Variants in MEP1A observed in about 807,000 individuals in gnomAD.
MEP1A encodes N-benzoyl-L-tyrosyl-P-amino-benzoic acid hydrolase subunit alpha.
In MEP1A, 68 loss-of-function variants were observed where a neutral mutation model predicts 84.5. The observed-to-expected ratio is 0.80, with a 90% CI of 0.66 to 0.98. The LOEUF is 0.98. Among genes scored for constraint, MEP1A ranks in the 50% least tolerant of loss-of-function variants. The probability of loss-of-function intolerance (pLI) is 0.00; values close to 1 mark genes in which losing one functional copy is unlikely to be tolerated. For missense variants in MEP1A, 887 were observed against 919.9 expected (o/e 0.96, Z 0.46); for synonymous variants, 337 against 336.8 (o/e 1.00, Z -0.01).
intron 6 of MEP1A, among the ~76,000 whole-genome samples, chr6:46,812,441 T>A (rs757184134): frequency 1.3e-5 from 2 of 152,076 alleles, no homozygotes; most frequent in Non-Finnish European, 2.9e-5. Flanking sequence ...TTCATTTGTC[T>A]TTTGTATTTT....
chr6:46,808,943 T>A (rs1423589342), intron 5 of MEP1A, among the ~76,000 whole-genome samples: 1 of 151,974 alleles, frequency 6.6e-6, no homozygotes, highest in South Asian at 2.1e-4. Context: ...AGAGAATGTC[T>A]TTTTAGATTG....
At chr6:46,842,605 A>T (rs146349891), downstream of MEP1A, among the ~76,000 whole-genome samples, 1,538 of 152,282 alleles carry the variant, frequency 0.01, 30 homozygotes, top group African/African-American at 0.035. Context: ...TAAGATGTTT[A>T]TCAAGATAAT....
chr6:46,841,961 A>C (rs1768338661), downstream of MEP1A, among the ~76,000 whole-genome samples: 1 of 152,244 alleles, frequency 6.6e-6, no homozygotes, highest in African/African-American at 2.4e-5. Flanking sequence ...TGAATATTTC[A>C]TGGACATTTA....
downstream of MEP1A, among the ~76,000 whole-genome samples, chr6:46,841,932 A>C (rs562524646): frequency 1.3e-5 from 2 of 152,362 alleles, no homozygotes; most frequent in South Asian, 4.1e-4. Context: ...CTGGAGCCGC[A>C]GCAGAAGAAC....
chr6:46,804,337 T>G (rs1462522046), intron 5 of MEP1A, among the ~76,000 whole-genome samples: 1 of 151,810 alleles, frequency 6.6e-6, no homozygotes, highest in African/African-American at 2.4e-5. Context: ...ATTTTTAAGT[T>G]GTAATACATT....
In MEP1A at chr6:46,795,297, CTCTTT is replaced by C. The variant is rs1186044039; in HGVS notation, c.145+1595_145+1599del. Among the ~76,000 whole-genome samples, 7 of 152,018 alleles carry C rather than the reference CTCTTT, an allele frequency of 4.6e-5. No individual in the cohort carries two copies. The South Asian group carries it at 1.0e-3, about 22-fold the overall frequency. On this transcript the variant is annotated intron_variant, in intron 3 of 13. Transcript: ENST00000230588. ...TCTACTCGATCTACTTTTCTTTTTT[CTCTTT>C]TCTTTTCTTTTCTCCTGAGATGGAG...
intron 3 of MEP1A, among the ~76,000 whole-genome samples, chr6:46,797,788 CTTTCTCTTTCTTTCTTTCTT>C (rs1767079658): frequency 2.2e-5 from 3 of 135,486 alleles, no homozygotes; most frequent in Admixed American, 7.2e-5. Context: ...TTCTTTCTTT[CTTTCTCTTTCTTTCTTTCTT>C]TCTTTCTTTC....
At chr6:46,803,190 A>G (rs1468333623) in intron 5 of MEP1A, among the ~76,000 whole-genome samples, 2 of 151,548 alleles carry the variant, frequency 1.3e-5, no homozygotes, top group African/African-American at 4.8e-5. Flanking sequence ...AAGTAATGGA[A>G]TTTTCTTTGT....
intron 5 of MEP1A, among the ~76,000 whole-genome samples, chr6:46,807,574 AAGGAAGG>A (rs1562106696): frequency 3.2e-4 from 20 of 61,918 alleles, no homozygotes; most frequent in African/African-American, 1.7e-3. Flanking sequence ...GAAAGGAAGG[AAGGAAGG>A]AAGGAAGGAA....
Position 46,793,699 on chromosome 6 carries a change from T to A in MEP1A, c.128T>A (p.Ile43Asn). 1 of 1,609,598 alleles carries A rather than the reference T, an allele frequency of 6.2e-7. No individual in the cohort carries two copies. The highest frequency in any genetic ancestry group is 8.5e-7 in the Non-Finnish European group (1 of 1,176,518). The change falls in exon 3 of 14, where the codon ATT (isoleucine) becomes AAT (asparagine). Residue 43 changes from isoleucine to asparagine, a missense_variant. Transcript: ENST00000230588. The stretch of plus-strand genomic sequence containing the variant: ...GCAGATTTTGGTGAACAGAAGGATA[T>A]TTCAGAAATCAATTTAGGTGAGTTC... ...HDADFGEQKD[I>N]SEINLAAGLD... is the part of the protein sequence containing the mutation.
intron 5 of MEP1A, among the ~76,000 whole-genome samples, chr6:46,799,461 A>G (rs1364152448): frequency 2.6e-5 from 4 of 152,370 alleles, no homozygotes; most frequent in East Asian, 3.8e-4. Context: ...ACCTAATGAA[A>G]TATAATTTGC....
intron 5 of MEP1A, 87 bp from the exon 6 acceptor site, chr6:46,809,333 G>C: frequency 1.3e-6 from 1 of 794,814 alleles, no homozygotes; most frequent in Non-Finnish European, 2.0e-6. Flanking sequence ...GATTTAATGT[G>C]GCAGCATGGT....
rs142188549 is a variant in MEP1A at position 46,809,479 on chromosome 6, G to A, written c.322G>A (p.Val108Met). The A allele has an allele frequency of 6.2e-7, 1 of 1,610,394 alleles. No homozygotes were observed. Among genetic ancestry groups the A allele is most frequent in the Non-Finnish European group, 8.5e-7 (1 of 1,177,838 alleles). The change falls in exon 6 of 14, where the codon GTG becomes ATG. Residue 108 changes from valine to methionine, a missense_variant. Coordinates refer to ENST00000230588, the MANE Select transcript of MEP1A (RefSeq NM_005588.3). ...TGAGATGTTCCGTCTCAAGTCCTGTGTGGATTTCAAGCCCTATGAAGGAGA... is the reference window on the plus strand; with the variant it reads ...TGAGATGTTCCGTCTCAAGTCCTGTATGGATTTCAAGCCCTATGAAGGAGA... Reference protein sequence around the residue: ...AFEMFRLKSCVDFKPYEGESS... With the variant: ...AFEMFRLKSCMDFKPYEGESS...
chr6:46,801,762 C>A (rs978559914), intron 5 of MEP1A, among the ~76,000 whole-genome samples: 1 of 151,974 alleles, frequency 6.6e-6, no homozygotes, highest in Non-Finnish European at 1.5e-5. Flanking sequence ...TAATTGATTG[C>A]AAACTAATTT....
chr6:46,793,753 T>G (rs1562101097), intron 3 of MEP1A, 37 bp downstream of exon 3: 11 of 1,465,638 alleles, frequency 7.5e-6, no homozygotes, highest in Non-Finnish European at 8.6e-6. Flanking sequence ...GTCTTGAAAT[T>G]ACTTGAAACC....
intron 7 of MEP1A, among the ~76,000 whole-genome samples, chr6:46,822,175 T>C (rs1767794582): frequency 6.6e-6 from 1 of 152,202 alleles, no homozygotes; most frequent in South Asian, 2.1e-4. Flanking sequence ...AATAAAGCTT[T>C]ATGGAAACAC....
chr6:46,836,440 T>C (rs1374232743), intron 13 of MEP1A, among the ~76,000 whole-genome samples: 2 of 152,220 alleles, frequency 1.3e-5, no homozygotes, highest in African/African-American at 4.8e-5. Flanking sequence ...TTTGTAGCTT[T>C]TATTTTGAAA....
chr6:46,842,384 T>C (rs1768349113), downstream of MEP1A, among the ~76,000 whole-genome samples: 1 of 152,154 alleles, frequency 6.6e-6, no homozygotes, highest in Non-Finnish European at 1.5e-5. Context: ...TGAATTCTTT[T>C]CCCAGCAAGG....
At chr6:46,832,970 T>G (rs1768108884) in intron 10 of MEP1A, 104 bp from the exon 11 acceptor site, 1 of 665,088 alleles carries the variant, frequency 1.5e-6, no homozygotes, top group Non-Finnish European at 2.6e-6. Flanking sequence ...TGTGAGGATT[T>G]AATGAGATAA....
Sources: gnomAD v4.1 joint callset for allele counts (sites outside exome capture counted in the v4.1 genomes callset) on GRCh38, gnomAD v4.1.1 for gene constraint, MANE v1.5 for transcripts, NCBI Gene and HGNC (gene_info 2026-07-23, HGNC 2026-07-21) for gene names.